CTNNA3: variants seen among roughly 807,000 people sequenced by gnomAD.
The protein encoded by CTNNA3 is catenin alpha 3, also known as catenin alpha-3.
CTNNA3 carries 76 observed loss-of-function variants against 95.7 expected under a neutral mutation model. The observed-to-expected ratio is 0.79, with a 90% confidence interval of 0.66 to 0.96. The LOEUF is 0.96. Among genes scored for constraint, CTNNA3 ranks in the 40% least tolerant of loss-of-function variants. CTNNA3 has a pLI of 0.00. For missense variants in CTNNA3, 1,191 were observed against 1,089.8 expected (o/e 1.09, Z -1.31); for synonymous variants, 431 against 374.4 (o/e 1.15, Z -1.74).
chr10:67,399,184 CACCCTCCATGT>C (rs1366277207), intron 5 of CTNNA3, among the ~76,000 whole-genome samples: 1 of 151,990 alleles, frequency 6.6e-6, no homozygotes, highest in Non-Finnish European at 1.5e-5. Context: ...GAGAGACAGG[CACCCTCCATGT>C]AGCTTTTATT....
chr10:67,379,578 T>C (rs1843836833), intron 5 of CTNNA3, among the ~76,000 whole-genome samples: 1 of 152,160 alleles, frequency 6.6e-6, no homozygotes, highest in South Asian at 2.1e-4. Context: ...AGCAAACAAG[T>C]TTATACTTTA....
At chr10:67,750,260 C>T (rs1159959355) in intron 1 of CTNNA3, 14 of 1,505,508 alleles carry the variant, frequency 9.3e-6, no homozygotes, top group Non-Finnish European at 1.2e-5. Context: ...CTAGTGCTCA[C>T]TCAGAATCAT....
At position 66,705,700 on chromosome 10, in the gene CTNNA3, T is replaced by G. The variant is rs139687625; in HGVS notation, c.1281+60564A>C. 9.9e-3 allele frequency among the ~76,000 whole-genome samples: 1,512 copies of G among 152,198 alleles called. 29 individuals are homozygous for G. Among genetic ancestry groups the G allele is most frequent in the African/African-American group, 0.035 (1,438 of 41,556 alleles). On this transcript the variant is annotated intron_variant, in intron 9 of 17. Transcript: ENST00000433211. ...ATAATATCCCTTCCTTAACAAATTA[T>G]CTTCTTTTATTCTATTTGCACTTTT... is the stretch of plus-strand genomic sequence containing the variant.
chr10:66,849,475 A>T (rs73310680), intron 7 of CTNNA3, among the ~76,000 whole-genome samples: 1 of 152,160 alleles, frequency 6.6e-6, no homozygotes, highest in African/African-American at 2.4e-5. Context: ...ATTCATGTCA[A>T]CCTGGAACAT....
chr10:66,780,729 A>G (rs1466471849), intron 7 of CTNNA3, among the ~76,000 whole-genome samples: 1 of 152,234 alleles, frequency 6.6e-6, no homozygotes, highest in Non-Finnish European at 1.5e-5. Context: ...CAAAGGATCT[A>G]GCACAGTGCT....
intron 12 of CTNNA3, among the ~76,000 whole-genome samples, chr10:66,319,264 A>T (rs938115281): frequency 6.6e-6 from 1 of 152,088 alleles, no homozygotes; most frequent in African/African-American, 2.4e-5. Flanking sequence ...CCTTGAGAAA[A>T]ACACTCTTGG....
At chr10:67,508,020 G>C (rs750557930) in intron 5 of CTNNA3, among the ~76,000 whole-genome samples, 3 of 151,868 alleles carry the variant, frequency 2.0e-5, no homozygotes, top group Non-Finnish European at 4.4e-5. Flanking sequence ...TTTGTTGTTT[G>C]TTTGTTTGTT....
In CTNNA3 at chr10:66,069,311, G is replaced by A; in HGVS notation, c.2156C>T (p.Thr719Ile). 1 of 1,612,762 alleles carries A rather than the reference G, an allele frequency of 6.2e-7. No individual in the cohort carries two copies. Among genetic ancestry groups the A allele is most frequent in the Non-Finnish European group, 8.5e-7 (1 of 1,179,152 alleles). The change falls in exon 15 of 18, where the codon ACT becomes ATT. Residue 719 changes from threonine (T) to isoleucine (I), a missense_variant. Physicochemically the swap from Thr to Ile is moderately conservative, Grantham distance 89 (BLOSUM62 -1). Transcript: ENST00000433211. ...CMIMMEMTDF[T>I]RGKGPLKHTT... ...ACATCGTTTTCCACATAATTACCTA[G>A]TGAAGTCTGTCATCTCCATCATGAT...
Position 67,290,513 on chromosome 10 carries a change from T to C in CTNNA3, c.580-70643A>G, listed in dbSNP as rs80048364. Among the ~76,000 whole-genome samples the C allele has an allele frequency of 0.019, 2,823 of 152,312 alleles. 236 individuals are homozygous for C. In the East Asian group the frequency reaches 0.25, roughly 13 times the overall value. On this transcript the variant is annotated intron_variant, in intron 5 of 17. Coordinates refer to ENST00000433211, the MANE Select transcript of CTNNA3 (RefSeq NM_013266.4). ...GGCTAATATTTATGCAACTTTTCTA[T>C]GTGCCAGGATGTGTTCTAAGCATTT...
chr10:67,645,193 G>GCGCACACA (rs1554869403), intron 2 of CTNNA3, among the ~76,000 whole-genome samples: 1 of 149,086 alleles, frequency 6.7e-6, no homozygotes, highest in African/African-American at 2.4e-5. Context: ...GCACGTGCGC[G>GCGCACACA]CACACACACA....
rs114973573 is a variant in CTNNA3, at chr10:67,141,075, C to T, written c.1047+39242G>A. The stretch of plus-strand genomic sequence containing the variant: ...TGAAGGAGCTTAAAATAGGACATCA[C>T]CTCAATGTAGAGGCATGCTCCCTTG... On this transcript the variant is annotated intron_variant, in intron 7 of 17. Coordinates refer to ENST00000433211, the MANE Select transcript of CTNNA3 (RefSeq NM_013266.4). Among the ~76,000 whole-genome samples the T allele has an allele frequency of 2.1e-3, 323 of 152,290 alleles. 3 individuals carry two copies. The highest frequency in any genetic ancestry group is 7.4e-3 in the African/African-American group (309 of 41,558).
In CTNNA3 at chr10:66,379,528, T is replaced by C. The variant is rs529026160; in HGVS notation, c.1532-176A>G. On this transcript the variant is annotated intron_variant, in intron 11 of 17. Coordinates refer to ENST00000433211, the MANE Select transcript of CTNNA3 (RefSeq NM_013266.4). ...TATTTTGCTTACATCCCTTTATTCT[T>C]TAATAGCAAAATCCATGAAATATAA... Among the ~76,000 whole-genome samples the C allele has an allele frequency of 9.3e-4, 142 of 152,312 alleles. 1 individual carries two copies. The highest frequency in any genetic ancestry group is 3.3e-3 in the African/African-American group (138 of 41,574).
At chr10:67,156,269 GT>G (rs1277144343) in intron 7 of CTNNA3, among the ~76,000 whole-genome samples, 1 of 151,276 alleles carries the variant, frequency 6.6e-6, no homozygotes, top group African/African-American at 2.4e-5. Context: ...ATTTTTCTAT[GT>G]TCTCTTGTAT....
intron 11 of CTNNA3, among the ~76,000 whole-genome samples, chr10:66,402,412 C>A (rs1295254325): frequency 6.6e-6 from 1 of 152,126 alleles, no homozygotes; most frequent in Non-Finnish European, 1.5e-5. Context: ...GTCAGGAATA[C>A]AATAAGCGTT....
intron 9 of CTNNA3, among the ~76,000 whole-genome samples, chr10:66,633,573 G>A (rs1845228404): frequency 6.6e-6 from 1 of 152,016 alleles, no homozygotes; most frequent in Non-Finnish European, 1.5e-5. Flanking sequence ...CCAGCTACTT[G>A]GGAGGCTAAG....
intron 5 of CTNNA3, among the ~76,000 whole-genome samples, chr10:67,440,002 C>T (rs1846441103): frequency 6.6e-6 from 1 of 152,098 alleles, no homozygotes; most frequent in Admixed American, 6.6e-5. Context: ...ACCAACTCAG[C>T]CACAGTGAGG....
intron 4 of CTNNA3, among the ~76,000 whole-genome samples, chr10:67,536,926 T>C (rs893372750): frequency 1.3e-5 from 2 of 152,124 alleles, no homozygotes; most frequent in African/African-American, 4.8e-5. Context: ...TCATTCTACA[T>C]GAAGTCTTGA....
intron 9 of CTNNA3, among the ~76,000 whole-genome samples, chr10:66,661,362 G>T (rs7906155): frequency 0.65 from 98,890 of 151,302 alleles, 33,126 homozygotes; most frequent in East Asian, 0.95. Flanking sequence ...GTTCTTGTGA[G>T]ACTGATTCGC....
intron 12 of CTNNA3, among the ~76,000 whole-genome samples, chr10:66,282,595 C>A (rs1017435377): frequency 6.6e-6 from 1 of 151,666 alleles, no homozygotes; most frequent in Admixed American, 6.6e-5. Flanking sequence ...AATTTTTAGC[C>A]CCACTGTCTC....
Sources: gnomAD v4.1 joint callset for allele counts (sites outside exome capture counted in the v4.1 genomes callset) on GRCh38, gnomAD v4.1.1 for gene constraint, MANE v1.5 for transcripts, NCBI Gene and HGNC (gene_info 2026-07-23, HGNC 2026-07-21) for gene names.